Variants in XRCC1 observed in about 807,000 individuals in gnomAD.
XRCC1 encodes the protein DNA repair protein XRCC1.
In XRCC1, 52 loss-of-function variants were observed where a neutral mutation model predicts 83.3. The observed-to-expected ratio is 0.62, with a 90% CI of 0.50 to 0.79. XRCC1 has a LOEUF of 0.79. Ranked by LOEUF, XRCC1 falls within the 30% of genes least tolerant of loss-of-function variation. The pLI is 0.00. For synonymous variants in XRCC1, 281 were observed against 312.6 expected (o/e 0.90, Z 1.07); for missense variants, 793 against 823.5 (o/e 0.96, Z 0.45).
rs2307189 is a variant in XRCC1 at position 43,574,928 on chromosome 19, G to A, written c.126C>T (p.Thr42=). 4 of 1,613,952 alleles carry A rather than the reference G, an allele frequency of 2.5e-6. No individual in the cohort carries two copies. The South Asian group carries it at 3.3e-5, about 13-fold the overall frequency. ...GGATCACCTGTAGGACCACAGAGAT[G>A]GTCTTCTCGCCTGCCTTGGCTGCCC... ...KWRAAKAGEK[T]ISVVLQLEKE... is the part of the protein sequence containing the mutation. The change falls in exon 2 of 17, where the codon ACC becomes ACT. Residue 42 remains threonine, a synonymous_variant. Transcript: ENST00000262887.
At position 43,560,950 on chromosome 19, in the gene XRCC1, A is replaced by G. The variant is rs25496; in HGVS notation, c.215T>C (p.Val72Ala). ...NDGSAFVEVL[V>A]GSSAGGAGEQ... is the part of the protein sequence containing the mutation. ...CCCAGCGCCTCCAGCTGAACTGCCCACCAGCACCTCCACGAAAGCTGAGCC... is the reference window on the plus strand; with the variant it reads ...CCCAGCGCCTCCAGCTGAACTGCCCGCCAGCACCTCCACGAAAGCTGAGCC... The change falls in exon 3 of 17, where the codon GTG becomes GCG. Residue 72 changes from valine to alanine, a missense_variant. Transcript: ENST00000262887. The G allele has an allele frequency of 3.2e-3, 5,168 of 1,614,150 alleles. 139 individuals carry two copies. The African/African-American group carries it at 0.062, about 19-fold the overall frequency.
intron 2 of XRCC1, among the ~76,000 whole-genome samples, chr19:43,566,977 A>G (rs1972759785): frequency 6.6e-6 from 1 of 152,092 alleles, no homozygotes; most frequent in Non-Finnish European, 1.5e-5. Context: ...ATATTTATGG[A>G]ATATCATCCA....
At chr19:43,548,119 GC>G (rs529382651) in intron 10 of XRCC1, among the ~76,000 whole-genome samples, 1 of 145,536 alleles carries the variant, frequency 6.9e-6, no homozygotes, top group East Asian at 2.0e-4. Flanking sequence ...GGGGGGGTCA[GC>G]CCCCGCCCGG....
intron 3 of XRCC1, among the ~76,000 whole-genome samples, chr19:43,559,451 G>C (rs1235639082): frequency 8.4e-6 from 1 of 118,576 alleles, no homozygotes; most frequent in African/African-American, 3.3e-5. Context: ...CTGCACTCCA[G>C]CCTGGGCAAC....
intron 2 of XRCC1, chr19:43,574,584 C>A (rs3213247): frequency 0.035 from 9,015 of 260,894 alleles, 237 homozygotes; most frequent in Non-Finnish European, 0.054. Flanking sequence ...TTCCTGGACA[C>A]CTTCCAGCCC....
At chr19:43,573,361 A>G (rs1972823219) in intron 2 of XRCC1, among the ~76,000 whole-genome samples, 1 of 152,156 alleles carries the variant, frequency 6.6e-6, no homozygotes, top group Non-Finnish European at 1.5e-5. Context: ...GGGAGCACAA[A>G]AGCCAAGTGC....
At chr19:43,563,989 T>G (rs1005301673) in intron 2 of XRCC1, among the ~76,000 whole-genome samples, 2 of 152,222 alleles carry the variant, frequency 1.3e-5, no homozygotes, top group African/African-American at 4.8e-5. Flanking sequence ...GCTCTGCTGA[T>G]TTCCTGCTGT....
At chr19:43,553,789 T>C in intron 4 of XRCC1, 106 bp from the exon 5 acceptor site, 1 of 903,824 alleles carries the variant, frequency 1.1e-6, no homozygotes, top group Non-Finnish European at 1.7e-6. Context: ...TTCCCTCTCA[T>C]GAACACCCAT....
chr19:43,548,201 G>A (rs948664572), intron 10 of XRCC1, among the ~76,000 whole-genome samples: 20 of 151,672 alleles, frequency 1.3e-4, no homozygotes, highest in Middle Eastern at 3.4e-3. Flanking sequence ...GAGGTGGGGG[G>A]CGCCTCTGCC....
At chr19:43,557,301 C>A (rs1056365130) in intron 3 of XRCC1, among the ~76,000 whole-genome samples, 7 of 111,286 alleles carry the variant, frequency 6.3e-5, no homozygotes, top group Non-Finnish European at 1.3e-4. Flanking sequence ...GAGCGAGACT[C>A]CGTCTCAAAA....
At chr19:43,551,789 A>G in intron 9 of XRCC1, 102 bp from the exon 10 acceptor site, 2 of 1,083,496 alleles carry the variant, frequency 1.8e-6, no homozygotes, top group Non-Finnish European at 2.8e-6. Flanking sequence ...ACAGACAGAC[A>G]GACAGATCAT....
intron 3 of XRCC1, among the ~76,000 whole-genome samples, chr19:43,559,756 G>A (rs1171092795): frequency 6.6e-6 from 1 of 152,002 alleles, no homozygotes; most frequent in Non-Finnish European, 1.5e-5. Context: ...GGATTATCCG[G>A]GTAGGCCAAG....
At chr19:43,557,833 G>A (rs1459671718) in intron 3 of XRCC1, among the ~76,000 whole-genome samples, 2 of 149,944 alleles carry the variant, frequency 1.3e-5, no homozygotes, top group Admixed American at 6.7e-5. Flanking sequence ...AGGAGGGAGG[G>A]AAGGAGGGGA....
At chr19:43,574,878 C>A in intron 2 of XRCC1, 32 bp downstream of exon 2, 1 of 1,580,964 alleles carries the variant, frequency 6.3e-7, no homozygotes, top group Non-Finnish European at 8.7e-7. Context: ...CTCCAGACTC[C>A]TAGTGAGGAG....
chr19:43,543,333 A>C lies in XRCC1; in HGVS notation c.*59T>G. 1 of 1,422,874 alleles carries C rather than the reference A, an allele frequency of 7.0e-7. No homozygotes were observed. The highest frequency in any genetic ancestry group is 9.6e-7 in the Non-Finnish European group (1 of 1,036,426). 88.1% of individuals were successfully genotyped at this position (1,422,874 alleles called of 1,614,324 possible). On this transcript the variant is annotated 3_prime_UTR_variant, in exon 17 of 17. Transcript: ENST00000262887. ...GGATGAGAACCAACTCATCTTTATTAAATGCATCGTGTGTGTGTGTGTGTG... is the reference window on the plus strand; with the variant it reads ...GGATGAGAACCAACTCATCTTTATTCAATGCATCGTGTGTGTGTGTGTGTG...
In XRCC1 at chr19:43,559,479, C is replaced by CA. The variant is rs58121949; in HGVS notation, c.255+1430dup. ...TGGGCAACAGAGTGAGACTCCATCT[C>CA]AAAAAAAAAAAAAAAAAAAAAAAAG... is the stretch of plus-strand genomic sequence containing the variant. On this transcript the variant is annotated intron_variant, in intron 3 of 16. Transcript: ENST00000262887. Among the ~76,000 whole-genome samples, 529 of 56,308 alleles carry CA rather than the reference C, an allele frequency of 9.4e-3. 3 individuals are homozygous for CA. The highest frequency in any genetic ancestry group is 0.017 in the East Asian group (25 of 1,500). 36.9% of individuals were successfully genotyped at this position (56,308 alleles called of 152,430 possible). A position where few individuals can be genotyped will look rare whatever the true frequency, so the allele number is the denominator to read the frequency against.
Position 43,552,142 on chromosome 19 carries a change from G to C in XRCC1, c.957C>G (p.Ile319Met). Residue 319 changes from isoleucine to methionine, a missense_variant, in exon 9 of 17, where the codon ATC (isoleucine) becomes ATG (methionine). Physicochemically the swap from Ile to Met is conservative, Grantham distance 10. Transcript: ENST00000262887. The part of the protein sequence containing the change: ...PRAGPEELGK[I>M]LQGVVVVLSG... ...TCAGCACCACTACCACACCCTGAAG[G>C]ATCTTCCCCAGCTCCTCTGGGCCAG... The C allele has an allele frequency of 6.2e-7, 1 of 1,614,092 alleles. No individual in the cohort carries two copies. The highest frequency in any genetic ancestry group is 8.5e-7 in the Non-Finnish European group (1 of 1,179,988).
At chr19:43,546,835 A>G in intron 11 of XRCC1, 49 bp downstream of exon 11, 1 of 1,607,040 alleles carries the variant, frequency 6.2e-7, no homozygotes, top group South Asian at 1.1e-5. Context: ...CAGCGGACTC[A>G]TGTCATCCTC....
At chr19:43,573,216 C>T (rs184020525) in intron 2 of XRCC1, among the ~76,000 whole-genome samples, 20 of 152,164 alleles carry the variant, frequency 1.3e-4, no homozygotes, top group African/African-American at 4.8e-4. Flanking sequence ...GAGACTTATA[C>T]CAACAAGCAT....
Sources: gnomAD v4.1 joint callset for allele counts (sites outside exome capture counted in the v4.1 genomes callset) on GRCh38, gnomAD v4.1.1 for gene constraint, MANE v1.5 for transcripts, NCBI Gene and HGNC (gene_info 2026-07-23, HGNC 2026-07-21) for gene names.